Variants in ZNF521 observed in about 807,000 individuals in gnomAD.
The protein encoded by ZNF521 is LYST-interacting protein 3.
In ZNF521, 14 loss-of-function variants were observed where a neutral mutation model predicts 105.5. That is an observed-to-expected ratio of 0.13 (90% CI 0.09 to 0.21). The LOEUF is 0.21. ZNF521 is among the 10% of genes least tolerant of loss of function. The probability of loss-of-function intolerance (pLI) is 1.00; values close to 1 mark genes in which losing one functional copy is unlikely to be tolerated. For missense variants in ZNF521, 1,233 were observed against 1,629.7 expected, an observed-to-expected ratio of 0.76 and a Z score of 4.19; for synonymous variants, 635 against 606.0, an observed-to-expected ratio of 1.05 and a Z score of -0.70.
At chr18:25,350,638 CT>C (rs1015616573) in intron 2 of ZNF521, among the ~76,000 whole-genome samples, 40 of 146,334 alleles carry the variant, frequency 2.7e-4, no homozygotes, top group African/African-American at 5.2e-4. Flanking sequence ...CTCTCTCTCT[CT>C]TTTTTTTTTT....
At chr18:25,142,447 C>T (rs1340360730) in intron 5 of ZNF521, among the ~76,000 whole-genome samples, 1 of 152,148 alleles carries the variant, frequency 6.6e-6, no homozygotes, top group African/African-American at 2.4e-5. Flanking sequence ...TCGGAACTGG[C>T]CTCATTCTCA....
At chr18:25,250,246 C>T (rs1270278026) in intron 3 of ZNF521, among the ~76,000 whole-genome samples, 1 of 152,180 alleles carries the variant, frequency 6.6e-6, no homozygotes, top group African/African-American at 2.4e-5. Context: ...TAATCTCACA[C>T]TCTTTCCTAT....
Position 25,151,649 on chromosome 18 carries a change from C to T in ZNF521, c.3658+43511G>A, listed in dbSNP as rs140895909. On this transcript the variant is annotated intron_variant, in intron 5 of 7. Coordinates refer to ENST00000361524, the MANE Select transcript of ZNF521 (RefSeq NM_015461.3). The stretch of plus-strand genomic sequence containing the variant: ...AACTCTTTCCCTCTGCACCCCACTC[C>T]CTTAGGGCTTCTCGCTTAGCAGTAG... Among the ~76,000 whole-genome samples, 901 of 152,252 alleles carry T rather than the reference C, an allele frequency of 5.9e-3. 3 individuals carry two copies. Among genetic ancestry groups the T allele is most frequent in the Non-Finnish European group, 9.6e-3 (650 of 68,020 alleles).
chr18:25,071,101 T>C (rs752763521), intron 7 of ZNF521, among the ~76,000 whole-genome samples: 7 of 152,210 alleles, frequency 4.6e-5, no homozygotes, highest in Non-Finnish European at 1.0e-4. Context: ...TGCTATACCA[T>C]GCTTGAGTAT....
chr18:25,106,963 G>C (rs2034085169), intron 5 of ZNF521, among the ~76,000 whole-genome samples: 1 of 152,172 alleles, frequency 6.6e-6, no homozygotes, highest in African/African-American at 2.4e-5. Context: ...TTACACTATA[G>C]TGTACAGAAG....
chr18:25,068,294 C>A (rs2033123343), intron 7 of ZNF521, among the ~76,000 whole-genome samples: 1 of 152,176 alleles, frequency 6.6e-6, no homozygotes, highest in Non-Finnish European at 1.5e-5. Flanking sequence ...AGAACACAAA[C>A]ATCCGTAATC....
intron 3 of ZNF521, among the ~76,000 whole-genome samples, chr18:25,283,926 C>A (rs531776397): frequency 1.4e-5 from 2 of 139,816 alleles, no homozygotes; most frequent in African/African-American, 5.0e-5. Flanking sequence ...ATACTTTCCC[C>A]CCCCCCCAAA....
rs186466091 is a variant in ZNF521 at position 25,254,188 on chromosome 18, T to C, written c.221-26491A>G. ...AGCATATATGGATACTGGGGAATAATTGTGGGACAGTAAAGGCTGGCTGCA... is the reference window on the plus strand; with the variant it reads ...AGCATATATGGATACTGGGGAATAACTGTGGGACAGTAAAGGCTGGCTGCA... On this transcript the variant is annotated intron_variant, in intron 3 of 7. Coordinates refer to ENST00000361524, the MANE Select transcript of ZNF521 (RefSeq NM_015461.3). Among the ~76,000 whole-genome samples the C allele has an allele frequency of 7.5e-3, 1,139 of 152,222 alleles. 9 individuals are homozygous for C. The highest frequency in any genetic ancestry group is 0.011 in the Non-Finnish European group (714 of 67,974).
intron 4 of ZNF521, among the ~76,000 whole-genome samples, chr18:25,222,783 C>T (rs1905817163): frequency 6.6e-6 from 1 of 152,204 alleles, no homozygotes; most frequent in Non-Finnish European, 1.5e-5. Flanking sequence ...GAACCTCTTA[C>T]AGACGATATT....
At chr18:25,171,608 C>T (rs777661876) in intron 5 of ZNF521, among the ~76,000 whole-genome samples, 6 of 151,966 alleles carry the variant, frequency 3.9e-5, no homozygotes, top group African/African-American at 7.2e-5. Flanking sequence ...TGGCTCCAAC[C>T]GTTATATTCA....
intron 5 of ZNF521, among the ~76,000 whole-genome samples, chr18:25,111,809 T>C (rs2034196061): frequency 6.6e-6 from 1 of 152,234 alleles, no homozygotes; most frequent in African/African-American, 2.4e-5. Flanking sequence ...TGACCCAGTA[T>C]CTGGCTGATC....
At position 25,350,633 on chromosome 18, in the gene ZNF521, T is replaced by C. The variant is rs145652296; in HGVS notation, c.40+274A>G. Among the ~76,000 whole-genome samples the C allele has an allele frequency of 4.2e-3, 634 of 151,156 alleles. 4 individuals carry two copies. Among genetic ancestry groups the C allele is most frequent in the African/African-American group, 0.014 (590 of 41,226 alleles). On this transcript the variant is annotated intron_variant, in intron 2 of 7. Transcript: ENST00000361524. ...GGATAATTTCGTTTCTTTCTCTCTC[T>C]CTCTCTTTTTTTTTTTCGGTTGTTG...
chr18:25,159,933 A>G (rs1035437267), intron 5 of ZNF521, among the ~76,000 whole-genome samples: 1 of 152,224 alleles, frequency 6.6e-6, no homozygotes, highest in African/African-American at 2.4e-5. Context: ...TATTCTACAA[A>G]TGACAGCTGA....
intron 3 of ZNF521, among the ~76,000 whole-genome samples, chr18:25,310,098 T>A (rs1158244929): frequency 6.6e-6 from 1 of 152,032 alleles, no homozygotes; most frequent in South Asian, 2.1e-4. Context: ...TATTCTAGTA[T>A]CTCCCACAGC....
intron 3 of ZNF521, among the ~76,000 whole-genome samples, chr18:25,317,943 T>G (rs962497817): frequency 6.6e-6 from 1 of 152,068 alleles, no homozygotes; most frequent in African/African-American, 2.4e-5. Flanking sequence ...TCTCATGCCC[T>G]TCACCCAATG....
intron 3 of ZNF521, among the ~76,000 whole-genome samples, chr18:25,320,177 T>C (rs1912860514): frequency 6.6e-6 from 1 of 152,198 alleles, no homozygotes; most frequent in African/African-American, 2.4e-5. Context: ...AAAGGTTAAC[T>C]TTCTTTTTTT....
chr18:25,260,938 A>C (rs1908865859), intron 3 of ZNF521, among the ~76,000 whole-genome samples: 1 of 152,216 alleles, frequency 6.6e-6, no homozygotes, highest in South Asian at 2.1e-4. Flanking sequence ...CTTAAAATTA[A>C]GGCACAATTT....
Position 25,225,389 on chromosome 18 carries a change from T to C in ZNF521, c.2529A>G (p.Gly843=). Residue 843 remains glycine (G), a synonymous_variant, in exon 4 of 8, where the codon GGA becomes GGG. Transcript: ENST00000361524. This position sits in a 1 kb window ranked among gnomAD's most constrained non-coding sequence, Gnocchi z 5.6. The part of the protein sequence containing the change: ...CVFETKTPNC[G]TNGASEQVQK... ...GCACTTGCTCGGAAGCTCCATTTGT[T>C]CCACAGTTGGGTGTCTTGGTTTCGA... 1 of 1,614,184 alleles carries C rather than the reference T, an allele frequency of 6.2e-7. No individual in the cohort carries two copies. The highest frequency in any genetic ancestry group is 8.5e-7 in the Non-Finnish European group (1 of 1,180,020).
chr18:25,304,153 T>C (rs1911832978), intron 3 of ZNF521, among the ~76,000 whole-genome samples: 1 of 152,158 alleles, frequency 6.6e-6, no homozygotes. Context: ...AAAACTTAAA[T>C]GAAAATTACA....
Sources: gnomAD v4.1 joint callset for allele counts (sites outside exome capture counted in the v4.1 genomes callset) on GRCh38, gnomAD v4.1.1 for gene constraint, Gnocchi (gnomAD v3.1) non-coding constraint, MANE v1.5 for transcripts, NCBI Gene and HGNC (gene_info 2026-07-23, HGNC 2026-07-21) for gene names.